The following DENND4B variants were observed in gnomAD, a reference collection of about 807,000 sequenced individuals.
The protein encoded by DENND4B is DENN domain-containing protein 4B.
DENND4B carries 67 observed loss-of-function variants against 161.0 expected under a neutral mutation model. The ratio of observed to expected loss-of-function variants is 0.42; its 90% CI spans 0.34 to 0.51. The LOEUF is 0.51. Ranked by LOEUF, DENND4B falls within the 20% of genes least tolerant of loss-of-function variation. The probability of loss-of-function intolerance (pLI) is 0.08; values close to 1 mark genes in which losing one functional copy is unlikely to be tolerated. For synonymous variants in DENND4B, 753 were observed against 813.8 expected (o/e 0.93, Z 1.27); for missense variants, 1,481 against 1,968.0 (o/e 0.75, Z 4.68).
In DENND4B at chr1:153,940,186, G is replaced by T; in HGVS notation, c.1573C>A (p.Leu525Met). The T allele has an allele frequency of 6.3e-7, 1 of 1,593,208 alleles. No individual in the cohort carries two copies. The change falls in exon 11 of 28, where the codon CTG becomes ATG. Residue 525 changes from leucine to methionine, a missense_variant. Leu to Met is a conservative substitution (Grantham distance 15). Coordinates refer to ENST00000361217, the MANE Select transcript of DENND4B (RefSeq NM_014856.3). The surrounding 1 kb of genome is among the most constrained non-coding windows in gnomAD (Gnocchi z 5.6). ...TCCAGCTGCTGGTACAGGTTTGTCA[G>T]TGTGGCCAGCAGAACCTTGTAGGGT... ...RRPYKVLLAT[L>M]TNLYQQLDQT...
chr1:153,933,811 C>G lies in DENND4B; in HGVS notation c.3002G>C (p.Ser1001Thr). Residue 1001 changes from serine (S) to threonine (T), a missense_variant, in exon 20 of 28, where the codon AGT becomes ACT. Coordinates refer to ENST00000361217, the MANE Select transcript of DENND4B (RefSeq NM_014856.3). The surrounding 1 kb of genome is among the most constrained non-coding windows in gnomAD (Gnocchi z 5.7). ...CCCTGTCAGGCTCAGGTCTGAGAGA[C>G]TTCCATCGTGCCAGGGCACAGGTGA... The part of the protein sequence containing the change: ...RGSPVPWHDG[S>T]LSDLSLTGEE... The G allele has an allele frequency of 6.2e-7, 1 of 1,613,152 alleles. No homozygotes were observed. Among genetic ancestry groups the G allele is most frequent in the Non-Finnish European group, 8.5e-7 (1 of 1,179,760 alleles).
Position 153,934,648 on chromosome 1 carries a change from CA to C in DENND4B, c.2773+111del. On this transcript the variant is annotated intron_variant, in intron 18 of 27. Coordinates refer to ENST00000361217, the MANE Select transcript of DENND4B (RefSeq NM_014856.3). The surrounding 1 kb of genome is among the most constrained non-coding windows in gnomAD (Gnocchi z 5.3). The stretch of plus-strand genomic sequence containing the variant: ...TTGTTACCAGTCAAGTGTAATTTAT[CA>C]ATCCCCAGAAACCCAATGCCAACCA... 6.8e-7 allele frequency: 1 copy of C among 1,476,894 alleles called. No individual in the cohort carries two copies. 91.5% of individuals were successfully genotyped at this position (1,476,894 alleles called of 1,614,324 possible). A position where few individuals can be genotyped will look rare whatever the true frequency, so the allele number is the denominator to read the frequency against.
Position 153,932,838 on chromosome 1 carries a change from A to G in DENND4B, c.3623+23T>C, listed in dbSNP as rs1056149377. ...CCTTCACCTCCCTATTCCCACCCACAGCACTTGCCCTGCCTTGGGCACCTG... is the reference window on the plus strand; with the variant it reads ...CCTTCACCTCCCTATTCCCACCCACGGCACTTGCCCTGCCTTGGGCACCTG... On this transcript the variant is annotated intron_variant, in intron 22 of 27. Transcript: ENST00000361217. This position sits in a 1 kb window ranked among gnomAD's most constrained non-coding sequence, Gnocchi z 5.8. 1.9e-6 allele frequency: 3 copies of G among 1,613,626 alleles called. No homozygotes were observed. The African/African-American group carries it at 4.0e-5, about 22-fold the overall frequency.
intron 6 of DENND4B, 95 bp downstream of exon 6, chr1:153,941,774 A>AGGGCGG: frequency 1.6e-6 from 1 of 618,130 alleles, no homozygotes; most frequent in Non-Finnish European, 2.8e-6. Flanking sequence ...CCCTGTGCCC[A>AGGGCGG]GCCCTCCCCC....
chr1:153,941,713 G>A (rs1366328610), intron 6 of DENND4B, among the ~76,000 whole-genome samples, 156 bp downstream of exon 6: 4 of 152,060 alleles, frequency 2.6e-5, no homozygotes, highest in Non-Finnish European at 4.4e-5. Context: ...AGCCCGTGGC[G>A]TTTTTACAGT....
chr1:153,942,906 C>CGGCA lies in DENND4B; in HGVS notation c.538_541dup (p.Arg181LeufsTer21). On this transcript the variant is annotated frameshift_variant, in exon 3 of 28. Coordinates refer to ENST00000361217, the MANE Select transcript of DENND4B (RefSeq NM_014856.3). LOFTEE classifies it high-confidence loss of function. This position sits in a 1 kb window ranked among gnomAD's most constrained non-coding sequence, Gnocchi z 6.9. ...GCCAGGGTTGAGGTTGCGGGGCAGC[C>CGGCA]GGCAGTAAGTATGAGGAGTGCCCTC... 6.2e-7 allele frequency: 1 copy of CGGCA among 1,602,616 alleles called. No individual in the cohort carries two copies. The highest frequency in any genetic ancestry group is 8.5e-7 in the Non-Finnish European group (1 of 1,171,004).
In DENND4B at chr1:153,944,953, A is replaced by G. The variant is rs1012352235; in HGVS notation, c.-23-556T>C. Among the ~76,000 whole-genome samples, 32 of 152,294 alleles carry G rather than the reference A, an allele frequency of 2.1e-4. No homozygotes were observed. Among genetic ancestry groups the G allele is most frequent in the African/African-American group, 7.7e-4 (32 of 41,554 alleles). ...TTTAAGAGTCTTTTCAACGAACCCA[A>G]GTGTCCTTTCTCCTAGCTTAACTCC... is the stretch of plus-strand genomic sequence containing the variant. On this transcript the variant is annotated intron_variant, in intron 1 of 27. Transcript: ENST00000361217. The surrounding 1 kb of genome is among the most constrained non-coding windows in gnomAD (Gnocchi z 4.8).
At position 153,932,652 on chromosome 1, in the gene DENND4B, C is replaced by T; in HGVS notation, c.3749G>A (p.Gly1250Glu). The T allele has an allele frequency of 6.2e-7, 1 of 1,613,002 alleles. No homozygotes were observed. The highest frequency in any genetic ancestry group is 8.5e-7 in the Non-Finnish European group (1 of 1,179,196). The change falls in exon 23 of 28, where the codon GGG becomes GAG. Residue 1250 changes from glycine (G) to glutamate (E), a missense_variant. By Grantham distance (98) the Gly-to-Glu change is moderately conservative. Coordinates refer to ENST00000361217, the MANE Select transcript of DENND4B (RefSeq NM_014856.3). The surrounding 1 kb of genome is among the most constrained non-coding windows in gnomAD (Gnocchi z 5.8). ...TGGCCCAGCCCTTACCCCCATGTGC[C>T]CGTTGCAGAGCTGGGGCTCATCCAG... ...LALDEPQLCNGHMGGASRRVE... is the reference protein window; with the variant it reads ...LALDEPQLCNEHMGGASRRVE...
chr1:153,943,251 C>CT (rs1162597471), intron 2 of DENND4B, 121 bp from the exon 3 acceptor site: 1 of 1,369,876 alleles, frequency 7.3e-7, no homozygotes, highest in Non-Finnish European at 9.9e-7. Context: ...TTGTCAAACT[C>CT]TAACACTAGG....
Position 153,946,618 on chromosome 1 carries a change from C to T in DENND4B, c.-341G>A. On this transcript the variant is annotated 5_prime_UTR_variant, in exon 1 of 28. Transcript: ENST00000361217. The surrounding 1 kb of genome is among the most constrained non-coding windows in gnomAD (Gnocchi z 6.3). Reference sequence around the variant, plus strand: ...GGGGACCCAGCGTTCCTCCGCGCGCCCCGCTTTCTCTACTCCCCCAACCCC... The same window carrying T: ...GGGGACCCAGCGTTCCTCCGCGCGCTCCGCTTTCTCTACTCCCCCAACCCC... 1.0e-5 allele frequency: 4 copies of T among 385,774 alleles called. No homozygotes were observed. Among genetic ancestry groups the T allele is most frequent in the Non-Finnish European group, 1.4e-5 (3 of 217,758 alleles). The allele number at this position is 385,774 out of a possible 1,614,324, so 23.9% of individuals were successfully genotyped here. A position where few individuals can be genotyped will look rare whatever the true frequency, so the allele number is the denominator to read the frequency against.
At chr1:153,941,492 T>TC in intron 6 of DENND4B, 52 bp from the exon 7 acceptor site, 1 of 1,543,228 alleles carries the variant, frequency 6.5e-7, no homozygotes. Flanking sequence ...ATCCCTGTCC[T>TC]CCCTCCACAT....
In DENND4B at chr1:153,930,146, C is replaced by T; in HGVS notation, c.*151G>A. On this transcript the variant is annotated 3_prime_UTR_variant, in exon 28 of 28. Coordinates refer to ENST00000361217, the MANE Select transcript of DENND4B (RefSeq NM_014856.3). The surrounding 1 kb of genome is among the most constrained non-coding windows in gnomAD (Gnocchi z 4.7). ...TCAGGACTTTTGGTAACAGTGGATC[C>T]CTCTTCCTGTTGTCCTCGCTTGGAG... is the stretch of plus-strand genomic sequence containing the variant. The T allele has an allele frequency of 1.9e-6, 2 of 1,053,418 alleles. No homozygotes were observed. The highest frequency in any genetic ancestry group is 5.3e-5 in the East Asian group (2 of 38,084). 65.3% of individuals were successfully genotyped at this position (1,053,418 alleles called of 1,614,324 possible). A position where few individuals can be genotyped will look rare whatever the true frequency, so the allele number is the denominator to read the frequency against.
intron 1 of DENND4B, among the ~76,000 whole-genome samples, chr1:153,945,553 GACACACACACACACACACAC>G (rs35616374): frequency 1.3e-5 from 2 of 149,808 alleles, no homozygotes; most frequent in Non-Finnish European, 1.5e-5. Flanking sequence ...CTGGCCTCTG[GACACACACACACACACACAC>G]ACGCACACAC....
chr1:153,944,380 C>A lies in DENND4B; in HGVS notation c.-6G>T. On this transcript the variant is annotated 5_prime_UTR_variant, in exon 2 of 28. Transcript: ENST00000361217. This position sits in a 1 kb window ranked among gnomAD's most constrained non-coding sequence, Gnocchi z 4.8. ...GGGGGCCGCTCCTCCGCCATGGCCCCCCCCTCACTCACTGCATCTGGAATG... is the reference window on the plus strand; with the variant it reads ...GGGGGCCGCTCCTCCGCCATGGCCCACCCCTCACTCACTGCATCTGGAATG... The A allele has an allele frequency of 1.9e-6, 3 of 1,600,442 alleles. No individual in the cohort carries two copies. The highest frequency in any genetic ancestry group is 1.1e-5 in the South Asian group (1 of 89,216).
rs779975851 is a variant in DENND4B at position 153,940,230 on chromosome 1, G to A, written c.1529C>T (p.Pro510Leu). Residue 510 changes from proline to leucine, a missense_variant, in exon 11 of 28, where the codon CCT (proline) becomes CTT (leucine). Coordinates refer to ENST00000361217, the MANE Select transcript of DENND4B (RefSeq NM_014856.3). The surrounding 1 kb of genome is among the most constrained non-coding windows in gnomAD (Gnocchi z 5.6). Reference sequence around the variant, plus strand: ...GTAGGGTCTGCGGGGCAGGGTCCGAGGGGAGAGGAGCTTCTTTTCCTCAGT... The same window carrying A: ...GTAGGGTCTGCGGGGCAGGGTCCGAAGGGAGAGGAGCTTCTTTTCCTCAGT... ...FQTEEKKLLS[P>L]RTLPRRPYKV... The A allele has an allele frequency of 3.1e-6, 5 of 1,602,238 alleles. No homozygotes were observed. The highest frequency in any genetic ancestry group is 1.7e-6 in the Non-Finnish European group (2 of 1,175,000).
Position 153,940,540 on chromosome 1 carries a change from G to C in DENND4B, c.1393C>G (p.Leu465Val). The part of the protein sequence containing the change: ...PLCPLVLADV[L>V]SAPVPFIVGI... The stretch of plus-strand genomic sequence containing the variant: ...ACAATGAAGGGCACTGGGGCACTCA[G>C]CACATCTGCCAGCACCAGCGGGCAC... Residue 465 changes from leucine to valine, a missense_variant, in exon 10 of 28, where the codon CTG (leucine) becomes GTG (valine). By Grantham distance (32) the Leu-to-Val change is conservative. Around this residue, in one of 3 missense-constraint regions of DENND4B, gnomAD observed 806 missense variants for 1,134.4 expected, o/e 0.71. Transcript: ENST00000361217. The surrounding 1 kb of genome is among the most constrained non-coding windows in gnomAD (Gnocchi z 5.6). 3 of 1,613,630 alleles carry C rather than the reference G, an allele frequency of 1.9e-6. No individual in the cohort carries two copies. Among genetic ancestry groups the C allele is most frequent in the Non-Finnish European group, 2.5e-6 (3 of 1,179,744 alleles).
chr1:153,944,335 C>A lies in DENND4B; in HGVS notation c.40G>T (p.Val14Leu), dbSNP rs574910044. The change falls in exon 2 of 28, where the codon GTG (valine) becomes TTG (leucine). Residue 14 changes from valine (V) to leucine (L), a missense_variant. Transcript: ENST00000361217. The surrounding 1 kb of genome is among the most constrained non-coding windows in gnomAD (Gnocchi z 4.8). Reference sequence around the variant, plus strand: ...CCGTTCCCTGCAAGCCCAGCTACCACGAAGTAATCCACCAGCCGGGGGGGC... The same window carrying A: ...CCGTTCCCTGCAAGCCCAGCTACCAAGAAGTAATCCACCAGCCGGGGGGGC... ...ERPPRLVDYF[V>L]VAGLAGNGAP... 6.2e-7 allele frequency: 1 copy of A among 1,608,866 alleles called. No homozygotes were observed. The highest frequency in any genetic ancestry group is 1.7e-5 in the Admixed American group (1 of 59,498).
chr1:153,933,743 C>G lies in DENND4B; in HGVS notation c.3070G>C (p.Ala1024Pro), dbSNP rs773902005. ...PGGSPGGSGS[A>P]LSAQSTEALE... ...GCCTCAGTGGACTGGGCACTCAGGG[C>G]TGAGCCTGAGCCCCCTGGGCTGCCT... The change falls in exon 20 of 28, where the codon GCC becomes CCC. Residue 1024 changes from alanine (A) to proline (P), a missense_variant. Physicochemically the swap from Ala to Pro is conservative, Grantham distance 27. This residue lies in a region of DENND4B where 339 missense variants were observed against 330.3 expected (regional missense o/e 1.03). Transcript: ENST00000361217. The surrounding 1 kb of genome is among the most constrained non-coding windows in gnomAD (Gnocchi z 5.7). 5.0e-6 allele frequency: 8 copies of G among 1,599,294 alleles called. No homozygotes were observed. The highest frequency in any genetic ancestry group is 6.8e-6 in the Non-Finnish European group (8 of 1,173,424).
In DENND4B at chr1:153,946,713, G is replaced by A; in HGVS notation, c.-436C>T. 2.7e-6 allele frequency: 1 copy of A among 375,848 alleles called. No homozygotes were observed. The highest frequency in any genetic ancestry group is 4.7e-6 in the Non-Finnish European group (1 of 211,836). The allele number at this position is 375,848 out of a possible 1,614,324, so 23.3% of individuals were successfully genotyped here. On this transcript the variant is annotated 5_prime_UTR_variant, in exon 1 of 28. Transcript: ENST00000361217. This position sits in a 1 kb window ranked among gnomAD's most constrained non-coding sequence, Gnocchi z 6.3. ...CGGCCGGCGGCCGTGACCCTGGCAA[G>A]CGTCTGCCCAAAGCCCAGCCGCCTG...
Sources: allele counts gnomAD v4.1 joint callset (sites outside exome capture counted in the v4.1 genomes callset), GRCh38; gene constraint gnomAD v4.1.1; regional missense constraint gnomAD v4.1.1; non-coding constraint Gnocchi (gnomAD v3.1); transcripts MANE v1.5; gene names NCBI Gene and HGNC (gene_info 2026-07-23, HGNC 2026-07-21).